The following GPRASP1 variants were observed in gnomAD, a reference collection of about 807,000 sequenced individuals.
GPRASP1 encodes the protein G protein-coupled receptor associated sorting protein 1.
A neutral mutation model predicts 68.4 loss-of-function variants in GPRASP1; 28 were observed. The ratio of observed to expected loss-of-function variants is 0.41; its 90% CI spans 0.30 to 0.56. The LOEUF (loss-of-function observed/expected upper bound fraction) is 0.56, where lower values mean the gene tolerates loss of function less well. Ranked by LOEUF, GPRASP1 falls within the 20% of genes least tolerant of loss-of-function variation. The probability of loss-of-function intolerance (pLI) is 0.29; values close to 1 mark genes in which losing one functional copy is unlikely to be tolerated. For synonymous variants in GPRASP1, 304 were observed against 358.2 expected, an observed-to-expected ratio of 0.85 and a Z score of 1.71; for missense variants, 913 against 1,031.5, an observed-to-expected ratio of 0.89 and a Z score of 1.57.
rs368727648 is a variant in GPRASP1, at chrX:102,657,870, G to A, written c.3957G>A (p.Val1319=). The A allele has an allele frequency of 5.1e-6, 6 of 1,184,308 alleles. No individual in the cohort carries two copies. The African/African-American group carries it at 5.2e-5, about 10-fold the overall frequency. The part of the protein sequence containing the change: ...MTKELLSAEA[V]SEFIGLFNRE... ...AAGAACTACTCAGTGCTGAAGCAGTGTCAGAATTTATAGGCCTCTTTAACA... is the reference window on the plus strand; with the variant it reads ...AAGAACTACTCAGTGCTGAAGCAGTATCAGAATTTATAGGCCTCTTTAACA... The change falls in exon 6 of 6, where the codon GTG becomes GTA. Residue 1319 remains valine (V), a synonymous_variant. Transcript: ENST00000537097.
Position 102,651,574 on chromosome X carries a change from C to G in GPRASP1, c.-640C>G, listed in dbSNP as rs978054454. On this transcript the variant is annotated 5_prime_UTR_variant, in exon 1 of 6. Coordinates refer to ENST00000537097, the MANE Select transcript of GPRASP1 (RefSeq NM_001184727.2). ...GAAGAGAGGAGGGGGAGGCCGATGACCTGGGCTCTGGGCCTCTGAAGGCAA... is the reference window on the plus strand; with the variant it reads ...GAAGAGAGGAGGGGGAGGCCGATGAGCTGGGCTCTGGGCCTCTGAAGGCAA... 7.2e-5 allele frequency: 8 copies of G among 111,142 alleles called. No individual in the cohort carries two copies. Among genetic ancestry groups the G allele is most frequent in the African/African-American group, 2.6e-4 (8 of 30,505 alleles). The allele number at this position is 111,142 out of a possible 1,213,427, so 9.2% of individuals were successfully genotyped here.
rs746243623 is a variant in GPRASP1, at chrX:102,654,583, A to T, written c.670A>T (p.Arg224Ter). ...TGGGAATAGGGTAAAAGACAGTAAC[A>T]GATCCATGCACATGGCCAATCAAGA... ...HPGNRVKDSN[R>*]SMHMANQEAN... Residue 224 changes from arginine (R) to a stop codon, truncating the protein, a stop_gained, in exon 6 of 6, where the codon AGA (arginine) becomes TGA (stop). Coordinates refer to ENST00000537097, the MANE Select transcript of GPRASP1 (RefSeq NM_001184727.2). LOFTEE classifies it high-confidence loss of function. The T allele has an allele frequency of 3.3e-6, 4 of 1,209,112 alleles. No homozygotes were observed. The African/African-American group carries it at 7.0e-5, about 21-fold the overall frequency.
At position 102,655,095 on chromosome X, in the gene GPRASP1, G is replaced by A; in HGVS notation, c.1182G>A (p.Lys394=). The A allele has an allele frequency of 8.2e-7, 1 of 1,212,254 alleles. No individual in the cohort carries two copies. Among genetic ancestry groups the A allele is most frequent in the East Asian group, 3.0e-5 (1 of 33,844 alleles). The part of the protein sequence containing the change: ...EAKTKARARA[K]QEARSEEEAL... ...AAACCAAGGCCCGAGCCAGGGCCAA[G>A]CAAGAAGCCAGGTCAGAGGAGGAAG... is the stretch of plus-strand genomic sequence containing the variant. Residue 394 remains lysine (K), a synonymous_variant, in exon 6 of 6, where the codon AAG becomes AAA. Coordinates refer to ENST00000537097, the MANE Select transcript of GPRASP1 (RefSeq NM_001184727.2).
chrX:102,655,787 T>A lies in GPRASP1; in HGVS notation c.1874T>A (p.Val625Glu), dbSNP rs1342320033. 8.3e-7 allele frequency: 1 copy of A among 1,207,880 alleles called. No individual in the cohort carries two copies. Among genetic ancestry groups the A allele is most frequent in the African/African-American group, 1.8e-5 (1 of 56,442 alleles). Residue 625 changes from valine to glutamate, a missense_variant, in exon 6 of 6, where the codon GTG becomes GAG. Physicochemically the swap from Val to Glu is moderately radical, Grantham distance 121. Transcript: ENST00000537097. The part of the protein sequence containing the change: ...SWFWTRVEAC[V>E]EGDVNSKSSL... ...TTTTGGACCAGAGTAGAAGCTTGTGTGGAGGGTGATGTCAACAGCAAGTCT... is the reference window on the plus strand; with the variant it reads ...TTTTGGACCAGAGTAGAAGCTTGTGAGGAGGGTGATGTCAACAGCAAGTCT...
rs764237260 is a variant in GPRASP1, at chrX:102,656,949, C to G, written c.3036C>G (p.Ala1012=). 3.3e-6 allele frequency: 4 copies of G among 1,211,089 alleles called. No homozygotes were observed. The highest frequency in any genetic ancestry group is 4.5e-6 in the Non-Finnish European group (4 of 895,246). ...VGSWFWAGDE[A]HFESNPSPVF... ...CCTGGTTCTGGGCAGGAGATGAGGC[C>G]CATTTTGAATCAAATCCTAGCCCCG... is the stretch of plus-strand genomic sequence containing the variant. The change falls in exon 6 of 6, where the codon GCC becomes GCG. Residue 1012 remains alanine (A), a synonymous_variant. Transcript: ENST00000537097.
In GPRASP1 at chrX:102,657,699, A is replaced by T; in HGVS notation, c.3786A>T (p.Arg1262Ser). 1 of 1,209,570 alleles carries T rather than the reference A, an allele frequency of 8.3e-7. No individual in the cohort carries two copies. Among genetic ancestry groups the T allele is most frequent in the Admixed American group, 2.2e-5 (1 of 46,075 alleles). The change falls in exon 6 of 6, where the codon AGA becomes AGT. Residue 1262 changes from arginine (R) to serine (S), a missense_variant. Physicochemically the swap from Arg to Ser is moderately radical, Grantham distance 110. Transcript: ENST00000537097. The part of the protein sequence containing the change: ...PEQLSGIRMI[R>S]HLTTTTDYHT... ...AGCTGTCTGGAATAAGGATGATTAG[A>T]CATCTCACTACTACTACTGACTATC...
At position 102,655,301 on chromosome X, in the gene GPRASP1, G is replaced by T; in HGVS notation, c.1388G>T (p.Arg463Leu). 1 of 1,211,801 alleles carries T rather than the reference G, an allele frequency of 8.3e-7. No individual in the cohort carries two copies. The highest frequency in any genetic ancestry group is 1.1e-6 in the Non-Finnish European group (1 of 895,364). The part of the protein sequence containing the change: ...SKSRPRTDGE[R>L]IGDSLFGARE... ...TCCAGACCAAGGACTGATGGGGAGC[G>T]TATTGGTGATTCCTTATTTGGGGCT... Residue 463 changes from arginine (R) to leucine (L), a missense_variant, in exon 6 of 6, where the codon CGT becomes CTT. Physicochemically the swap from Arg to Leu is moderately radical, Grantham distance 102. Transcript: ENST00000537097.
chrX:102,654,938 A>C lies in GPRASP1; in HGVS notation c.1025A>C (p.Asp342Ala), dbSNP rs187295857. 5.0e-6 allele frequency: 6 copies of C among 1,210,411 alleles called. No individual in the cohort carries two copies. Among genetic ancestry groups the C allele is most frequent in the Non-Finnish European group, 6.7e-6 (6 of 895,065 alleles). The stretch of plus-strand genomic sequence containing the variant: ...AGGGCCAAGCGAGAAGCTTGCATTG[A>C]TTTCATGCCTGGGTCTATAGATGTA... ...RHRAKREACIDFMPGSIDVIK... is the reference protein window; with the variant it reads ...RHRAKREACIAFMPGSIDVIK... Residue 342 changes from aspartate (D) to alanine (A), a missense_variant, in exon 6 of 6, where the codon GAT (aspartate) becomes GCT (alanine). Physicochemically the swap from Asp to Ala is moderately radical, Grantham distance 126. Coordinates refer to ENST00000537097, the MANE Select transcript of GPRASP1 (RefSeq NM_001184727.2).
At position 102,655,001 on chromosome X, in the gene GPRASP1, C is replaced by A; in HGVS notation, c.1088C>A (p.Ala363Asp). The stretch of plus-strand genomic sequence containing the variant: ...TCCTGTTTCTGGCCTGAAGAAAATG[C>A]TAATACCTTTTCAAGGCCCATGATC... ...KESCFWPEEN[A>D]NTFSRPMIKK... Residue 363 changes from alanine (A) to aspartate (D), a missense_variant, in exon 6 of 6, where the codon GCT (alanine) becomes GAT (aspartate). Ala to Asp is a moderately radical substitution (Grantham distance 126). Transcript: ENST00000537097. 8.3e-7 allele frequency: 1 copy of A among 1,211,056 alleles called. No homozygotes were observed. Among genetic ancestry groups the A allele is most frequent in the Non-Finnish European group, 1.1e-6 (1 of 894,659 alleles).
chrX:102,656,149 G>A lies in GPRASP1; in HGVS notation c.2236G>A (p.Glu746Lys). 8.3e-7 allele frequency: 1 copy of A among 1,211,170 alleles called. No individual in the cohort carries two copies. The highest frequency in any genetic ancestry group is 1.1e-6 in the Non-Finnish European group (1 of 895,016). The change falls in exon 6 of 6, where the codon GAG (glutamate) becomes AAG (lysine). Residue 746 changes from glutamate to lysine, a missense_variant. Coordinates refer to ENST00000537097, the MANE Select transcript of GPRASP1 (RefSeq NM_001184727.2). ...AAAGGCCAAGTTACTGACTGAAGAG[G>A]AGACCATAATCAATTCCTGGTTCTG... is the stretch of plus-strand genomic sequence containing the variant. ...GEKAKLLTEE[E>K]TIINSWFWKE... is the part of the protein sequence containing the mutation.
chrX:102,654,029 A>G lies in GPRASP1; in HGVS notation c.116A>G (p.Lys39Arg), dbSNP rs1310410444. 2 of 1,211,722 alleles carry G rather than the reference A, an allele frequency of 1.7e-6. No homozygotes were observed. The change falls in exon 6 of 6, where the codon AAG (lysine) becomes AGG (arginine). Residue 39 changes from lysine (K) to arginine (R), a missense_variant. By Grantham distance (26) the Lys-to-Arg change is conservative. Coordinates refer to ENST00000537097, the MANE Select transcript of GPRASP1 (RefSeq NM_001184727.2). Reference protein sequence around the residue: ...ENDVPLVVRPKVRTQAQIMPG... With the variant: ...ENDVPLVVRPRVRTQAQIMPG... ...GATGTCCCTCTGGTGGTCAGACCCA[A>G]GGTTAGGACCCAGGCCCAGATAATG... is the stretch of plus-strand genomic sequence containing the variant.
rs770931123 is a variant in GPRASP1, at chrX:102,656,869, G to A, written c.2956G>A (p.Gly986Arg). The change falls in exon 6 of 6, where the codon GGA (glycine) becomes AGA (arginine). Residue 986 changes from glycine (G) to arginine (R), a missense_variant. Coordinates refer to ENST00000537097, the MANE Select transcript of GPRASP1 (RefSeq NM_001184727.2). ...TGAGGTAGATAACAGGACTGACAAT[G>A]GAAGCAACTGTGGGTCCAGGACATT... ...EDEVDNRTDN[G>R]SNCGSRTLAD... 9.7e-5 allele frequency: 117 copies of A among 1,208,558 alleles called. No homozygotes were observed. The highest frequency in any genetic ancestry group is 4.5e-6 in the Non-Finnish European group (4 of 894,372).
chrX:102,655,546 G>A lies in GPRASP1; in HGVS notation c.1633G>A (p.Glu545Lys). 8.3e-7 allele frequency: 1 copy of A among 1,211,195 alleles called. No homozygotes were observed. The highest frequency in any genetic ancestry group is 1.1e-6 in the Non-Finnish European group (1 of 895,251). The change falls in exon 6 of 6, where the codon GAG becomes AAG. Residue 545 changes from glutamate (E) to lysine (K), a missense_variant. Transcript: ENST00000537097. ...GVSCESRTRS[E>K]EEEVIGPWFW... ...CAGCTGTGAGTCCAGGACAAGGTCTGAGGAAGAAGAGGTCATTGGTCCCTG... is the reference window on the plus strand; with the variant it reads ...CAGCTGTGAGTCCAGGACAAGGTCTAAGGAAGAAGAGGTCATTGGTCCCTG...
rs2081405825 is a variant in GPRASP1, at chrX:102,655,926, CAAT to C, written c.2019_2021del (p.Asn673del). The stretch of plus-strand genomic sequence containing the variant: ...GATTTATGGCAGGGGCTGAGGAGAC[CAAT>C]AATAAGTCTTGCTTCTGGGCAGAAA... On this transcript the variant is annotated inframe_deletion, in exon 6 of 6. Coordinates refer to ENST00000537097, the MANE Select transcript of GPRASP1 (RefSeq NM_001184727.2). 8.3e-7 allele frequency: 1 copy of C among 1,210,652 alleles called. No individual in the cohort carries two copies. The highest frequency in any genetic ancestry group is 1.7e-5 in the African/African-American group (1 of 57,626).
At position 102,656,596 on chromosome X, in the gene GPRASP1, G is replaced by C. The variant is rs771679468; in HGVS notation, c.2683G>C (p.Glu895Gln). ...TATACAGGCTGGATCTCAGGCAGTA[G>C]AGGAAATGGAGTCAGAGACTGAAGA... ...ASIQAGSQAVEEMESETEEET... is the reference protein window; with the variant it reads ...ASIQAGSQAVQEMESETEEET... Residue 895 changes from glutamate (E) to glutamine (Q), a missense_variant, in exon 6 of 6, where the codon GAG (glutamate) becomes CAG (glutamine). Physicochemically the swap from Glu to Gln is conservative, Grantham distance 29. Coordinates refer to ENST00000537097, the MANE Select transcript of GPRASP1 (RefSeq NM_001184727.2). 8.3e-7 allele frequency: 1 copy of C among 1,210,692 alleles called. No homozygotes were observed. Among genetic ancestry groups the C allele is most frequent in the Non-Finnish European group, 1.1e-6 (1 of 895,062 alleles).
Position 102,654,448 on chromosome X carries a change from A to G in GPRASP1, c.535A>G (p.Arg179Gly), listed in dbSNP as rs946338733. The G allele has an allele frequency of 8.3e-7, 1 of 1,211,766 alleles. No homozygotes were observed. The highest frequency in any genetic ancestry group is 1.1e-6 in the Non-Finnish European group (1 of 895,377). Residue 179 changes from arginine (R) to glycine (G), a missense_variant, in exon 6 of 6, where the codon AGG becomes GGG. Coordinates refer to ENST00000537097, the MANE Select transcript of GPRASP1 (RefSeq NM_001184727.2). ...CAATATGGGGTCCTGGTGCTGTCCT[A>G]GGCCTACATCCAAACAAGAAGCCTC... ...ETNMGSWCCPRPTSKQEASPN... is the reference protein window; with the variant it reads ...ETNMGSWCCPGPTSKQEASPN...
chrX:102,657,242 A>C lies in GPRASP1; in HGVS notation c.3329A>C (p.Glu1110Ala), dbSNP rs769756689. ...SLLQPDQPSPEFPFQYDPSYR... is the reference protein window; with the variant it reads ...SLLQPDQPSPAFPFQYDPSYR... ...CTTCAGCCTGATCAGCCTAGTCCTG[A>C]GTTCCCATTTCAGTATGATCCTTCC... The change falls in exon 6 of 6, where the codon GAG becomes GCG. Residue 1110 changes from glutamate (E) to alanine (A), a missense_variant. Coordinates refer to ENST00000537097, the MANE Select transcript of GPRASP1 (RefSeq NM_001184727.2). 60 of 1,208,732 alleles carry C rather than the reference A, an allele frequency of 5.0e-5. No individual in the cohort carries two copies. In the East Asian group the frequency reaches 1.5e-3, roughly 29 times the overall value.
rs141632272 is a variant in GPRASP1 at position 102,654,729 on chromosome X, G to C, written c.816G>C (p.Trp272Cys). The change falls in exon 6 of 6, where the codon TGG (tryptophan) becomes TGC (cysteine). Residue 272 changes from tryptophan to cysteine, a missense_variant. Trp to Cys is a radical substitution (Grantham distance 215, BLOSUM62 -2). Transcript: ENST00000537097. ...WFWARDKTNT[W>C]SGPREDPNSR... is the part of the protein sequence containing the mutation. ...GGGCCAGAGATAAAACCAATACCTG[G>C]TCTGGGCCCAGGGAAGATCCCAATA... 6.6e-6 allele frequency: 8 copies of C among 1,209,844 alleles called. No individual in the cohort carries two copies. The highest frequency in any genetic ancestry group is 6.7e-6 in the Non-Finnish European group (6 of 893,927).
At position 102,653,856 on chromosome X, in the gene GPRASP1, G is replaced by T; in HGVS notation, c.-58G>T. 1.1e-6 allele frequency: 1 copy of T among 911,301 alleles called. No individual in the cohort carries two copies. The highest frequency in any genetic ancestry group is 1.6e-6 in the Non-Finnish European group (1 of 643,717). 75.1% of individuals were successfully genotyped at this position (911,301 alleles called of 1,213,427 possible). On this transcript the variant is annotated 5_prime_UTR_variant, in exon 6 of 6. Coordinates refer to ENST00000537097, the MANE Select transcript of GPRASP1 (RefSeq NM_001184727.2). The stretch of plus-strand genomic sequence containing the variant: ...AGAAACAAACCTGTGACAGATCTGT[G>T]GTTGAGGTTTAGACTGGGGGAGGAG...
Sources: gnomAD v4.1 joint callset for allele counts on GRCh38, gnomAD v4.1.1 for gene constraint, MANE v1.5 for transcripts, NCBI Gene and HGNC (gene_info 2026-07-23, HGNC 2026-07-21) for gene names.